Variants in TGFA observed in about 807,000 individuals in gnomAD.
TGFA encodes the protein transforming growth factor alpha, also known as protransforming growth factor alpha.
TGFA carries 12 observed loss-of-function variants against 21.7 expected under a neutral mutation model. The observed-to-expected ratio is 0.55, with a 90% CI of 0.35 to 0.90. The LOEUF (loss-of-function observed/expected upper bound fraction) is 0.90. Among genes scored for constraint, TGFA ranks in the 40% least tolerant of loss-of-function variants. The probability of loss-of-function intolerance (pLI) is 0.01; values close to 1 mark genes in which losing one functional copy is unlikely to be tolerated. For synonymous variants in TGFA, 79 were observed against 88.1 expected, an observed-to-expected ratio of 0.90 and a Z score of 0.58; for missense variants, 178 against 210.8, an observed-to-expected ratio of 0.84 and a Z score of 0.96.
chr2:70,545,168 A>C (rs573475101), intron 1 of TGFA, among the ~76,000 whole-genome samples: 17 of 152,250 alleles, frequency 1.1e-4, no homozygotes, highest in African/African-American at 4.1e-4. Context: ...ACAAGAATTA[A>C]AAATTGTAAA....
At chr2:70,459,755 G>A (rs1670354484) in intron 3 of TGFA, among the ~76,000 whole-genome samples, 1 of 152,164 alleles carries the variant, frequency 6.6e-6, no homozygotes, top group Non-Finnish European at 1.5e-5. Context: ...GCCCCAGCAG[G>A]AGCCCCAGCC....
chr2:70,526,022 T>C (rs1672623247), intron 1 of TGFA, among the ~76,000 whole-genome samples: 1 of 152,210 alleles, frequency 6.6e-6, no homozygotes, highest in Admixed American at 6.5e-5. Flanking sequence ...CAACTGTATA[T>C]GGGCAGATGT....
rs141495416 is a variant in TGFA at position 70,509,287 on chromosome 2, G to A, written c.94+5572C>T. ...CAGTTCTGAAAAGCTTTTGTTAGGC[G>A]AGATGAGCAATAACCAGATTGCTTG... On this transcript the variant is annotated intron_variant, in intron 2 of 5. Coordinates refer to ENST00000295400, the MANE Select transcript of TGFA (RefSeq NM_003236.4). Among the ~76,000 whole-genome samples the A allele has an allele frequency of 2.1e-3, 323 of 152,296 alleles. 1 individual carries two copies. Among genetic ancestry groups the A allele is most frequent in the African/African-American group, 7.4e-3 (307 of 41,566 alleles).
intron 1 of TGFA, among the ~76,000 whole-genome samples, chr2:70,540,553 G>T (rs1459970178): frequency 6.6e-6 from 1 of 152,142 alleles, no homozygotes; most frequent in Non-Finnish European, 1.5e-5. Flanking sequence ...TTAAAATTTA[G>T]ATTTGAAGGT....
chr2:70,451,545 A>C (rs1306451334), intron 5 of TGFA, among the ~76,000 whole-genome samples: 1 of 152,280 alleles, frequency 6.6e-6, no homozygotes, highest in African/African-American at 2.4e-5. Context: ...GGCCAGACCC[A>C]TCCCCAGGCT....
At chr2:70,471,216 T>C (rs570750157) in intron 2 of TGFA, among the ~76,000 whole-genome samples, 1 of 151,948 alleles carries the variant, frequency 6.6e-6, no homozygotes, top group South Asian at 2.1e-4. Context: ...AAGTTCAATG[T>C]GCACCATGTG....
intron 1 of TGFA, among the ~76,000 whole-genome samples, chr2:70,517,636 C>G (rs1026630994): frequency 6.6e-6 from 1 of 152,220 alleles, no homozygotes; most frequent in Non-Finnish European, 1.5e-5. Context: ...TTTGCCCAAG[C>G]TCCTGCAGCC....
chr2:70,532,563 C>G (rs1418620597), intron 1 of TGFA, among the ~76,000 whole-genome samples: 9 of 152,180 alleles, frequency 5.9e-5, no homozygotes, highest in Non-Finnish European at 1.3e-4. Flanking sequence ...TGGTGCCGGC[C>G]TTGTTTAAAG....
rs111973708 is a variant in TGFA, at chr2:70,488,204, G to A, written c.95-22468C>T. 5.2e-3 allele frequency among the ~76,000 whole-genome samples: 790 copies of A among 152,098 alleles called. 10 individuals carry two copies. Among genetic ancestry groups the A allele is most frequent in the African/African-American group, 0.018 (757 of 41,482 alleles). ...TAAAATACTAATAACTCTGTATCCC[G>A]TTATATATGTTACAAATAATTTGTG... On this transcript the variant is annotated intron_variant, in intron 2 of 5. Coordinates refer to ENST00000295400, the MANE Select transcript of TGFA (RefSeq NM_003236.4).
intron 1 of TGFA, among the ~76,000 whole-genome samples, chr2:70,516,550 G>C (rs1263993532): frequency 6.6e-6 from 1 of 152,114 alleles, no homozygotes; most frequent in East Asian, 1.9e-4. Flanking sequence ...AGGGGGACAG[G>C]GAGAGAAAAT....
rs550329411 is a variant in TGFA at position 70,523,403 on chromosome 2, G to A, written c.41-8491C>T. On this transcript the variant is annotated intron_variant, in intron 1 of 5. Transcript: ENST00000295400. ...GGAGTTTACAATCCAGATGATTGAAGCAAACACACTCACTGGTGTTCCTGT... is the reference window on the plus strand; with the variant it reads ...GGAGTTTACAATCCAGATGATTGAAACAAACACACTCACTGGTGTTCCTGT... Among the ~76,000 whole-genome samples, 62 of 152,288 alleles carry A rather than the reference G, an allele frequency of 4.1e-4. No homozygotes were observed. In the South Asian group the frequency reaches 0.012, roughly 31 times the overall value.
intron 3 of TGFA, 38 bp downstream of exon 3, chr2:70,465,578 C>T (rs189667962): frequency 8.7e-6 from 14 of 1,613,088 alleles, no homozygotes; most frequent in African/African-American, 6.7e-5. Context: ...TTGGACTGAC[C>T]CCAGCCCCAG....
chr2:70,508,289 A>G (rs1195386280), intron 2 of TGFA, among the ~76,000 whole-genome samples: 1 of 152,198 alleles, frequency 6.6e-6, no homozygotes, highest in Admixed American at 6.5e-5. Context: ...CACTAAAAAT[A>G]CAAAAATTAG....
chr2:70,455,791 T>C (rs2103666819), intron 4 of TGFA, among the ~76,000 whole-genome samples: 1 of 152,244 alleles, frequency 6.6e-6, no homozygotes, highest in Middle Eastern at 3.4e-3. Context: ...AGGTCTCTCC[T>C]GGTCTAGGCC....
In TGFA at chr2:70,456,279, G is replaced by A. The variant is rs115572155; in HGVS notation, c.365+60C>T. Reference sequence around the variant, plus strand: ...TGGCCCTGTTATCTGGATATACTGCGGATGTCCCTGGTAGGGGAGGTGGGC... The same window carrying A: ...TGGCCCTGTTATCTGGATATACTGCAGATGTCCCTGGTAGGGGAGGTGGGC... On this transcript the variant is annotated intron_variant, in intron 4 of 5. Transcript: ENST00000295400. 2.4e-4 allele frequency: 369 copies of A among 1,509,270 alleles called. No individual in the cohort carries two copies. The African/African-American group carries it at 4.2e-3, about 17-fold the overall frequency. 93.5% of individuals were successfully genotyped at this position (1,509,270 alleles called of 1,614,324 possible). A position where few individuals can be genotyped will look rare whatever the true frequency, so the allele number is the denominator to read the frequency against.
Position 70,515,382 on chromosome 2 carries a change from C to T in TGFA, c.41-470G>A, listed in dbSNP as rs565329908. ...GCTGTCCTTTGGGTATGAGGATACC[C>T]ACAGGTTGAGTGCAGCCTCTCACAG... On this transcript the variant is annotated intron_variant, in intron 1 of 5. Transcript: ENST00000295400. Among the ~76,000 whole-genome samples the T allele has an allele frequency of 1.5e-4, 23 of 152,204 alleles. 1 individual carries two copies. In the South Asian group the frequency reaches 4.6e-3, roughly 30 times the overall value.
chr2:70,485,378 C>T (rs1403614052), intron 2 of TGFA, among the ~76,000 whole-genome samples: 1 of 152,150 alleles, frequency 6.6e-6, no homozygotes, highest in Admixed American at 6.5e-5. Flanking sequence ...GCTGGGATTA[C>T]AGGTGCCCGC....
intron 3 of TGFA, among the ~76,000 whole-genome samples, chr2:70,457,301 G>A (rs1235411304): frequency 1.3e-5 from 2 of 152,150 alleles, no homozygotes; most frequent in African/African-American, 4.8e-5. Flanking sequence ...CCCCTGCTAT[G>A]CCCAGATGGG....
At chr2:70,476,924 TC>T (rs1670951397) in intron 2 of TGFA, among the ~76,000 whole-genome samples, 1 of 152,246 alleles carries the variant, frequency 6.6e-6, no homozygotes, top group African/African-American at 2.4e-5. Context: ...AGCCCTTCAA[TC>T]AAGATTATAT....
Sources: allele counts gnomAD v4.1 joint callset (sites outside exome capture counted in the v4.1 genomes callset), GRCh38; gene constraint gnomAD v4.1.1; transcripts MANE v1.5; gene names NCBI Gene and HGNC (gene_info 2026-07-23, HGNC 2026-07-21).